The following BRAF variants were observed in gnomAD, a reference collection of about 807,000 sequenced individuals.
The protein encoded by BRAF is serine/threonine-protein kinase B-raf.
A neutral mutation model predicts 104.6 loss-of-function variants in BRAF; 16 were observed. The observed-to-expected ratio is 0.15, with a 90% confidence interval of 0.10 to 0.23. BRAF has a LOEUF of 0.23. BRAF is among the 10% of genes least tolerant of loss of function. The pLI is 1.00. For missense variants in BRAF, 541 were observed against 937.3 expected (o/e 0.58, Z 5.52); for synonymous variants, 310 against 341.6 (o/e 0.91, Z 1.02).
At chr7:140,781,829 A>T (rs1800906078) in intron 11 of BRAF, 136 bp from the exon 11 acceptor site, 1 of 707,230 alleles carries the variant, frequency 1.4e-6, no homozygotes, top group African/African-American at 1.8e-5. Context: ...CTGGAAGAAT[A>T]GTAGTTAAAA....
In BRAF at chr7:140,800,925, A is replaced by G. The variant is rs529355397; in HGVS notation, c.861-444T>C. The G allele has an allele frequency of 1.8e-4, 45 of 243,444 alleles. 2 individuals carry two copies. The South Asian group carries it at 2.3e-3, about 13-fold the overall frequency. 15.1% of individuals were successfully genotyped at this position (243,444 alleles called of 1,614,324 possible). On this transcript the variant is annotated intron_variant, in intron 6 of 19. Coordinates refer to ENST00000644969, the MANE Select transcript of BRAF (RefSeq NM_001374258.1). ...TCTATTAGAAAAACTGGCATACAGC[A>G]AAGAGAAATTTTAGAAAGAGATATA...
At chr7:140,809,318 T>G (rs1803978448) in intron 3 of BRAF, among the ~76,000 whole-genome samples, 1 of 152,212 alleles carries the variant, frequency 6.6e-6, no homozygotes, top group African/African-American at 2.4e-5. Flanking sequence ...CAATAATAGA[T>G]GTCAATATTA....
chr7:140,730,051 G>A (rs1360452755), intron 19 of BRAF, among the ~76,000 whole-genome samples: 1 of 152,056 alleles, frequency 6.6e-6, no homozygotes, highest in African/African-American at 2.4e-5. Context: ...AATAAAATAA[G>A]ACTCTTAAAA....
At chr7:140,776,823 C>A in intron 14 of BRAF, 89 bp downstream of exon 13, 1 of 1,280,456 alleles carries the variant, frequency 7.8e-7, no homozygotes, top group East Asian at 2.3e-5. Context: ...ATTTAAAATG[C>A]AATCCAAAAG....
rs535802454 is a variant in BRAF, at chr7:140,837,318, C to T, written c.241-2446G>A. On this transcript the variant is annotated intron_variant, in intron 2 of 19. Transcript: ENST00000644969. ...ATGATGAAATGATCTCGATTTAGAA[C>T]CTCACGCACCCCTGGGGCACACATA... Among the ~76,000 whole-genome samples, 7 of 152,290 alleles carry T rather than the reference C, an allele frequency of 4.6e-5. No individual in the cohort carries two copies. In the South Asian group the frequency reaches 1.0e-3, roughly 23 times the overall value.
intron 1 of BRAF, among the ~76,000 whole-genome samples, chr7:140,871,634 T>C (rs189156146): frequency 7.6e-4 from 116 of 152,262 alleles, no homozygotes; most frequent in Non-Finnish European, 1.3e-3. Flanking sequence ...AGACATGCAA[T>C]TGAATGAGGA....
At chr7:140,923,647 G>GA (rs1818509697) in intron 1 of BRAF, among the ~76,000 whole-genome samples, 1 of 152,220 alleles carries the variant, frequency 6.6e-6, no homozygotes, top group Non-Finnish European at 1.5e-5. Context: ...AAAGAGCCAA[G>GA]TGAAACCTGA....
At chr7:140,808,868 T>C in intron 4 of BRAF, 24 bp downstream of exon 4, 1 of 1,579,980 alleles carries the variant, frequency 6.3e-7, no homozygotes. Context: ...TTAAACAAAA[T>C]TTCACGTCAC....
intron 3 of BRAF, among the ~76,000 whole-genome samples, chr7:140,814,331 A>G (rs1267616): frequency 0.3 from 45,376 of 152,096 alleles, 10,802 homozygotes; most frequent in African/African-American, 0.66. Context: ...ATGAGCTCAC[A>G]ATGATTCATA....
At chr7:140,821,720 T>C (rs1249010577) in intron 3 of BRAF, among the ~76,000 whole-genome samples, 1 of 152,102 alleles carries the variant, frequency 6.6e-6, no homozygotes, top group African/African-American at 2.4e-5. Context: ...GACCCAGCAG[T>C]CTCATTGCTC....
At chr7:140,728,503 T>A (rs1795741030) in intron 19 of BRAF, among the ~76,000 whole-genome samples, 2 of 152,072 alleles carry the variant, frequency 1.3e-5, no homozygotes, top group Non-Finnish European at 2.9e-5. Flanking sequence ...AAAGAATTAT[T>A]GCCTCATATT....
chr7:140,728,677 GT>G (rs1175069268), intron 19 of BRAF, among the ~76,000 whole-genome samples: 2 of 152,160 alleles, frequency 1.3e-5, no homozygotes, highest in East Asian at 3.9e-4. Flanking sequence ...GTTGCTTACA[GT>G]TTGAGTACTT....
At chr7:140,832,277 T>A (rs1806846103) in intron 3 of BRAF, among the ~76,000 whole-genome samples, 1 of 152,228 alleles carries the variant, frequency 6.6e-6, no homozygotes. Flanking sequence ...CTACTGCCCT[T>A]TGTTCCTGAG....
chr7:140,855,488 G>A (rs1225119868), intron 1 of BRAF, among the ~76,000 whole-genome samples: 1 of 151,430 alleles, frequency 6.6e-6, no homozygotes. Context: ...AATCCTAGAA[G>A]ATGCCCATGT....
chr7:140,850,146 C>T lies in BRAF; in HGVS notation c.205G>A (p.Gly69Ser), dbSNP rs757446039. The T allele has an allele frequency of 6.2e-7, 1 of 1,611,878 alleles. No individual in the cohort carries two copies. Among genetic ancestry groups the T allele is most frequent in the Non-Finnish European group, 8.5e-7 (1 of 1,179,058 alleles). Reference sequence around the variant, plus strand: ...ATTGATGGTGGATTATGCTCCCCACCAAATTTGTCCAATAGGGCCTCTATA... The same window carrying T: ...ATTGATGGTGGATTATGCTCCCCACTAAATTTGTCCAATAGGGCCTCTATA... ...EHIEALLDKF[G>S]GEHNPPSIYL... The change falls in exon 2 of 20, where the codon GGT (glycine) becomes AGT (serine). Residue 69 changes from glycine to serine, a missense_variant. By Grantham distance (56) the Gly-to-Ser change is moderately conservative. This residue lies in a region of BRAF where 86 missense variants were observed against 133.9 expected (regional missense o/e 0.64). Coordinates refer to ENST00000644969, the MANE Select transcript of BRAF (RefSeq NM_001374258.1).
intron 19 of BRAF, among the ~76,000 whole-genome samples, chr7:140,727,192 T>A (rs910359041): frequency 6.6e-6 from 1 of 151,832 alleles, no homozygotes; most frequent in Admixed American, 6.6e-5. Flanking sequence ...TTTCTTTTTT[T>A]TTTTTTTTGA....
At chr7:140,813,030 GA>G (rs534738603) in intron 3 of BRAF, among the ~76,000 whole-genome samples, 1 of 151,878 alleles carries the variant, frequency 6.6e-6, no homozygotes, top group Admixed American at 6.5e-5. Context: ...AGTCATAAAG[GA>G]AAAAAATATT....
chr7:140,909,417 A>C (rs1179457617), intron 1 of BRAF, among the ~76,000 whole-genome samples: 1 of 152,162 alleles, frequency 6.6e-6, no homozygotes, highest in Non-Finnish European at 1.5e-5. Flanking sequence ...AAACTCCGTC[A>C]CAAAAATAAA....
At chr7:140,836,401 AGAG>A (rs1220451291) in intron 2 of BRAF, among the ~76,000 whole-genome samples, 2 of 152,156 alleles carry the variant, frequency 1.3e-5, no homozygotes, top group Non-Finnish European at 2.9e-5. Flanking sequence ...TATAAAATGT[AGAG>A]GAGAATGAAA....
Sources: allele counts gnomAD v4.1 joint callset (sites outside exome capture counted in the v4.1 genomes callset), GRCh38; gene constraint gnomAD v4.1.1; regional missense constraint gnomAD v4.1.1; transcripts MANE v1.5; gene names NCBI Gene and HGNC (gene_info 2026-07-23, HGNC 2026-07-21).